The following CERS3 variants were observed in gnomAD, a reference collection of about 807,000 sequenced individuals.
CERS3 encodes the protein ceramide synthase 3, also known as LAG1 homolog, ceramide synthase 3.
CERS3 carries 33 observed loss-of-function variants against 50.3 expected under a neutral mutation model. The ratio of observed to expected loss-of-function variants is 0.66; its 90% CI spans 0.50 to 0.88. The LOEUF is 0.88. Among genes scored for constraint, CERS3 ranks in the 40% least tolerant of loss-of-function variants. CERS3 has a pLI of 0.00. For missense variants in CERS3, 470 were observed against 460.3 expected, an observed-to-expected ratio of 1.02 and a Z score of -0.19; for synonymous variants, 176 against 155.2, an observed-to-expected ratio of 1.13 and a Z score of -0.99.
At chr15:100,463,344 A>T (rs1021475467) in intron 10 of CERS3, among the ~76,000 whole-genome samples, 1 of 148,542 alleles carries the variant, frequency 6.7e-6, no homozygotes, top group South Asian at 2.2e-4. Context: ...CTGAGGCAGG[A>T]GAATCGCTTG....
chr15:100,418,767 G>A (rs2142081754), intron 11 of CERS3, among the ~76,000 whole-genome samples: 1 of 138,062 alleles, frequency 7.2e-6, no homozygotes, highest in African/African-American at 2.7e-5. Context: ...AGAGAGTGGG[G>A]GCCAATATTC....
intron 11 of CERS3, among the ~76,000 whole-genome samples, chr15:100,406,619 T>C (rs1567586883): frequency 6.6e-6 from 1 of 152,228 alleles, no homozygotes; most frequent in South Asian, 2.1e-4. Flanking sequence ...TCAGTTAAGA[T>C]GCATCAGAGA....
At chr15:100,514,216 G>C (rs1405029761) in intron 2 of CERS3, among the ~76,000 whole-genome samples, 1 of 152,166 alleles carries the variant, frequency 6.6e-6, no homozygotes, top group Non-Finnish European at 1.5e-5. Context: ...TTTATTTCAT[G>C]TCTGTTAAAT....
Position 100,540,417 on chromosome 15 carries a change from G to A in CERS3, c.-355+4234C>T, listed in dbSNP as rs541462286. Reference sequence around the variant, plus strand: ...AAATTAGCCGGGCGTGGTGACAGGCGCCCGTAATCCCAGGTACTTGGGAGG... The same window carrying A: ...AAATTAGCCGGGCGTGGTGACAGGCACCCGTAATCCCAGGTACTTGGGAGG... On this transcript the variant is annotated intron_variant, in intron 1 of 12. Coordinates refer to the CERS3 transcript ENST00000284382. Among the ~76,000 whole-genome samples the A allele has an allele frequency of 8.5e-5, 13 of 152,216 alleles. 1 individual carries two copies. The highest frequency in any genetic ancestry group is 2.4e-4 in the African/African-American group (10 of 41,528).
intron 11 of CERS3, among the ~76,000 whole-genome samples, chr15:100,438,489 T>G (rs1279139447): frequency 6.6e-6 from 1 of 152,246 alleles, no homozygotes; most frequent in Non-Finnish European, 1.5e-5. Context: ...TTTCTGGTTT[T>G]TCTAGTTATT....
intron 7 of CERS3, among the ~76,000 whole-genome samples, chr15:100,476,677 A>C (rs2035137342): frequency 6.6e-6 from 1 of 152,184 alleles, no homozygotes; most frequent in South Asian, 2.1e-4. Flanking sequence ...AGAACTCCAA[A>C]AATATCTTCT....
chr15:100,489,729 G>A (rs1318832863), intron 4 of CERS3, among the ~76,000 whole-genome samples: 1 of 152,088 alleles, frequency 6.6e-6, no homozygotes, highest in Non-Finnish European at 1.5e-5. Flanking sequence ...ATGAATGATG[G>A]CAGTCATTTA....
intron 2 of CERS3, among the ~76,000 whole-genome samples, chr15:100,511,063 G>A (rs2411831): frequency 0.9 from 136,800 of 152,044 alleles, 61,964 homozygotes; most frequent in Non-Finnish European, 0.96. Flanking sequence ...TGAGTTGAGT[G>A]GATCATCTGA....
At chr15:100,526,270 C>T (rs1052724614) in intron 1 of CERS3, among the ~76,000 whole-genome samples, 5 of 152,190 alleles carry the variant, frequency 3.3e-5, no homozygotes, top group Non-Finnish European at 7.3e-5. Flanking sequence ...CCCATAAATT[C>T]GTGTTGGGGA....
At chr15:100,410,457 G>A (rs1028990442) in intron 11 of CERS3, among the ~76,000 whole-genome samples, 1 of 152,186 alleles carries the variant, frequency 6.6e-6, no homozygotes, top group African/African-American at 2.4e-5. Flanking sequence ...TGAAAACCCT[G>A]AAATTAGGAC....
intron 11 of CERS3, among the ~76,000 whole-genome samples, chr15:100,442,699 A>G (rs1049029593): frequency 2.0e-5 from 3 of 152,186 alleles, no homozygotes; most frequent in Non-Finnish European, 4.4e-5. Flanking sequence ...GAGCCCCTGG[A>G]ACTCCGGCCC....
intron 11 of CERS3, among the ~76,000 whole-genome samples, chr15:100,444,624 G>A (rs1158720347): frequency 6.6e-6 from 1 of 152,132 alleles, no homozygotes; most frequent in Non-Finnish European, 1.5e-5. Flanking sequence ...TAACTTCTCA[G>A]TGTTCCATCT....
intron 4 of CERS3, among the ~76,000 whole-genome samples, chr15:100,488,095 A>G (rs1236016400): frequency 1.3e-5 from 2 of 152,228 alleles, no homozygotes; most frequent in Non-Finnish European, 2.9e-5. Context: ...GTTATCAGAC[A>G]CACACCTGCA....
chr15:100,407,435 T>G (rs1256729010), intron 11 of CERS3, among the ~76,000 whole-genome samples: 1 of 152,274 alleles, frequency 6.6e-6, no homozygotes, highest in African/African-American at 2.4e-5. Context: ...CTGGCAGTCC[T>G]GCAATGTGCT....
chr15:100,409,879 T>A (rs1411182692), intron 11 of CERS3, among the ~76,000 whole-genome samples: 2 of 151,944 alleles, frequency 1.3e-5, no homozygotes, highest in East Asian at 3.9e-4. Flanking sequence ...AGTGGAGGGG[T>A]GGACCTGGGT....
chr15:100,405,254 A>T (rs2030918078), intron 11 of CERS3, among the ~76,000 whole-genome samples: 1 of 128,566 alleles, frequency 7.8e-6, no homozygotes, highest in Non-Finnish European at 1.7e-5. Flanking sequence ...AAAAACAAAA[A>T]AAAACCCCTA....
chr15:100,420,695 C>G (rs372086562), intron 11 of CERS3, among the ~76,000 whole-genome samples: 1 of 151,144 alleles, frequency 6.6e-6, no homozygotes, highest in African/African-American at 2.4e-5. Context: ...AAAATACTGG[C>G]AAAACGAATC....
chr15:100,497,852 TACAC>T (rs57343426), intron 3 of CERS3, among the ~76,000 whole-genome samples: 5,911 of 108,622 alleles, frequency 0.054, 207 homozygotes, highest in Non-Finnish European at 0.063. Context: ...ACCTATCTCT[TACAC>T]ACACACACAC....
intron 11 of CERS3, among the ~76,000 whole-genome samples, chr15:100,450,939 T>C (rs2034141316): frequency 6.6e-6 from 1 of 152,102 alleles, no homozygotes; most frequent in Non-Finnish European, 1.5e-5. Context: ...AGCCAAGAAT[T>C]CTATACTCAG....
Sources: gnomAD v4.1 joint callset for allele counts (sites outside exome capture counted in the v4.1 genomes callset) on GRCh38, gnomAD v4.1.1 for gene constraint, MANE v1.5 for transcripts, NCBI Gene and HGNC (gene_info 2026-07-23, HGNC 2026-07-21) for gene names.